ZBTB16: variants seen among roughly 807,000 people sequenced by gnomAD.
ZBTB16 encodes zinc finger and BTB domain containing 16, also known as zinc finger and BTB domain-containing protein 16.
A neutral mutation model predicts 56.8 loss-of-function variants in ZBTB16; 8 were observed. That is an observed-to-expected ratio of 0.14 (90% CI 0.08 to 0.25). The LOEUF is 0.25. ZBTB16 is among the 10% of genes least tolerant of loss of function. The probability of loss-of-function intolerance (pLI) is 1.00; values close to 1 mark genes in which losing one functional copy is unlikely to be tolerated. For missense variants in ZBTB16, 625 were observed against 903.0 expected (o/e 0.69, Z 3.95); for synonymous variants, 363 against 368.5 (o/e 0.98, Z 0.17).
At chr11:114,175,228 A>G (rs141256198) in intron 3 of ZBTB16, among the ~76,000 whole-genome samples, 6 of 152,320 alleles carry the variant, frequency 3.9e-5, no homozygotes, top group African/African-American at 1.4e-4. Context: ...CAGGCACACA[A>G]CACCAATACT....
intron 2 of ZBTB16, among the ~76,000 whole-genome samples, chr11:114,136,375 G>A (rs1208068843): frequency 2.0e-5 from 3 of 152,126 alleles, no homozygotes; most frequent in Non-Finnish European, 4.4e-5. Context: ...CAGATGTTGT[G>A]CACATAAGGG....
rs1940958688 is a variant in ZBTB16 at position 114,110,307 on chromosome 11, T to C, written c.1268+45739T>C. Among the ~76,000 whole-genome samples, 3 of 152,120 alleles carry C rather than the reference T, an allele frequency of 2.0e-5. No homozygotes were observed. The South Asian group carries it at 6.2e-4, about 32-fold the overall frequency. On this transcript the variant is annotated intron_variant, in intron 2 of 6. Transcript: ENST00000335953. ...GTCTTCTGTGGCAACCTGTGCACAG[T>C]CCCCCAAGGCAGCAATCTGGGGTCA...
chr11:114,244,848 T>A (rs56176874), intron 5 of ZBTB16, among the ~76,000 whole-genome samples: 27,773 of 151,482 alleles, frequency 0.18, 3,089 homozygotes, highest in African/African-American at 0.31. Context: ...AGCCGCCCCC[T>A]TCCCCCCCAC....
chr11:114,099,878 G>A (rs1453481777), intron 2 of ZBTB16, among the ~76,000 whole-genome samples: 1 of 152,212 alleles, frequency 6.6e-6, no homozygotes, highest in Non-Finnish European at 1.5e-5. Flanking sequence ...GTGCACTTGT[G>A]GGTGCCCATG....
chr11:114,202,886 C>T (rs1323845221), intron 4 of ZBTB16, among the ~76,000 whole-genome samples: 2 of 152,120 alleles, frequency 1.3e-5, no homozygotes, highest in African/African-American at 2.4e-5. Flanking sequence ...GTCCTGTGCT[C>T]TTTTTGTTTT....
At chr11:114,164,140 A>T (rs1297611759) in intron 3 of ZBTB16, among the ~76,000 whole-genome samples, 1 of 152,262 alleles carries the variant, frequency 6.6e-6, no homozygotes, top group Non-Finnish European at 1.5e-5. Flanking sequence ...CTCTCTGAAC[A>T]GAACACAGGC....
chr11:114,142,834 C>G (rs1365115144), intron 2 of ZBTB16, among the ~76,000 whole-genome samples: 1 of 152,134 alleles, frequency 6.6e-6, no homozygotes, highest in East Asian at 1.9e-4. Context: ...AGATTCCACT[C>G]TGCCTCCTCC....
chr11:114,241,813 C>G (rs533746735), intron 4 of ZBTB16, among the ~76,000 whole-genome samples: 7 of 152,316 alleles, frequency 4.6e-5, no homozygotes, highest in East Asian at 3.9e-4. Context: ...TTGCCTCCCC[C>G]ACTTTTTGCC....
chr11:114,110,793 G>GA (rs1940977016), intron 2 of ZBTB16, among the ~76,000 whole-genome samples: 1 of 152,214 alleles, frequency 6.6e-6, no homozygotes, highest in Admixed American at 6.5e-5. Flanking sequence ...GGTAGAGGGA[G>GA]AAAATATTCT....
chr11:114,182,055 ATTG>A (rs1245340799), intron 3 of ZBTB16, among the ~76,000 whole-genome samples: 7 of 151,668 alleles, frequency 4.6e-5, no homozygotes, highest in Admixed American at 2.6e-4. Context: ...TGTTGTTGTT[ATTG>A]TTGTTGTTTT....
chr11:114,126,273 A>G lies in ZBTB16; in HGVS notation c.1269-30064A>G, dbSNP rs73565185. Among the ~76,000 whole-genome samples, 760 of 152,304 alleles carry G rather than the reference A, an allele frequency of 5.0e-3. 9 individuals are homozygous for G. The highest frequency in any genetic ancestry group is 0.016 in the African/African-American group (679 of 41,572). ...AAACGAGGTGAATCTGCTGCTCTGT[A>G]TTGAAATATGTGATCTAGAAGGAGC... On this transcript the variant is annotated intron_variant, in intron 2 of 6. Coordinates refer to ENST00000335953, the MANE Select transcript of ZBTB16 (RefSeq NM_006006.6).
At chr11:114,070,794 A>G (rs1053188163) in intron 2 of ZBTB16, among the ~76,000 whole-genome samples, 7 of 152,176 alleles carry the variant, frequency 4.6e-5, no homozygotes, top group African/African-American at 1.7e-4. Flanking sequence ...CTGCCTTGTC[A>G]TTCACAGATT....
At chr11:114,079,296 A>T (rs1276507362) in intron 2 of ZBTB16, among the ~76,000 whole-genome samples, 2 of 152,180 alleles carry the variant, frequency 1.3e-5, no homozygotes, top group African/African-American at 4.8e-5. Context: ...GTGCAGGTGT[A>T]CTGGGTAGAC....
intron 4 of ZBTB16, among the ~76,000 whole-genome samples, chr11:114,226,657 T>A (rs991682039): frequency 1.3e-5 from 2 of 152,134 alleles, no homozygotes; most frequent in South Asian, 4.1e-4. Context: ...TTGGCGTGTC[T>A]GAATGTGTGA....
At chr11:114,203,575 C>G (rs553567977) in intron 4 of ZBTB16, among the ~76,000 whole-genome samples, 1 of 151,272 alleles carries the variant, frequency 6.6e-6, no homozygotes, top group Admixed American at 6.6e-5. Flanking sequence ...CCCCCGCCCC[C>G]CTGCAAAAAC....
At chr11:114,249,941 T>G (rs903669730) in intron 6 of ZBTB16, among the ~76,000 whole-genome samples, 6 of 152,066 alleles carry the variant, frequency 3.9e-5, no homozygotes, top group Non-Finnish European at 7.4e-5. Context: ...TGAAGAGCCA[T>G]TCCTGAGGAC....
Position 114,060,906 on chromosome 11 carries a change from C to A in ZBTB16, c.-91+1024C>A, listed in dbSNP as rs1358086919. ...GGCGGGCAGACCCCTTCTCGCCTTTCCTCCCACAACTCGCTGCGGGGCTTT... is the reference window on the plus strand; with the variant it reads ...GGCGGGCAGACCCCTTCTCGCCTTTACTCCCACAACTCGCTGCGGGGCTTT... On this transcript the variant is annotated intron_variant, in intron 1 of 6. Coordinates refer to ENST00000335953, the MANE Select transcript of ZBTB16 (RefSeq NM_006006.6). This position sits in a 1 kb window ranked among gnomAD's most constrained non-coding sequence, Gnocchi z 6.0. Among the ~76,000 whole-genome samples the A allele has an allele frequency of 1.3e-5, 2 of 152,118 alleles. No homozygotes were observed. The highest frequency in any genetic ancestry group is 2.4e-5 in the African/African-American group (1 of 41,438).
intron 2 of ZBTB16, among the ~76,000 whole-genome samples, chr11:114,077,991 G>T (rs1035091591): frequency 1.3e-5 from 2 of 152,172 alleles, no homozygotes; most frequent in Admixed American, 6.5e-5. Flanking sequence ...AATATGCAAA[G>T]ATAAACTGTT....
intron 2 of ZBTB16, among the ~76,000 whole-genome samples, chr11:114,148,210 C>T (rs1591715384): frequency 6.6e-6 from 1 of 151,878 alleles, no homozygotes; most frequent in South Asian, 2.1e-4. Context: ...TGGTCATGGC[C>T]CCAGGGAATG....
Sources: allele counts gnomAD v4.1 joint callset (sites outside exome capture counted in the v4.1 genomes callset), GRCh38; gene constraint gnomAD v4.1.1; non-coding constraint Gnocchi (gnomAD v3.1); transcripts MANE v1.5; gene names NCBI Gene and HGNC (gene_info 2026-07-23, HGNC 2026-07-21).